SLC45A2: variants seen among roughly 807,000 people sequenced by gnomAD.
SLC45A2 encodes the protein solute carrier family 45 member 2.
SLC45A2 carries 36 observed loss-of-function variants against 45.5 expected under a neutral mutation model. That is an observed-to-expected ratio of 0.79 (90% CI 0.61 to 1.04). SLC45A2 has a LOEUF of 1.04. Ranked by LOEUF, SLC45A2 falls within the 50% of genes least tolerant of loss-of-function variation. SLC45A2 has a pLI of 0.00. For missense variants in SLC45A2, 719 were observed against 671.0 expected, an observed-to-expected ratio of 1.07 and a Z score of -0.79; for synonymous variants, 306 against 269.3, an observed-to-expected ratio of 1.14 and a Z score of -1.33.
intron 2 of SLC45A2, among the ~76,000 whole-genome samples, chr5:33,975,417 T>C (rs187102937): frequency 2.0e-5 from 3 of 152,142 alleles, no homozygotes; most frequent in African/African-American, 7.2e-5. Flanking sequence ...GAGGGGTAGA[T>C]AAATACCTTG....
At chr5:33,964,046 A>T (rs745561848) in intron 2 of SLC45A2, 30 bp from the exon 3 acceptor site, 3 of 1,607,606 alleles carry the variant, frequency 1.9e-6, no homozygotes, top group South Asian at 1.1e-5. Context: ...ATGTTAGCAT[A>T]TTTAGCAAAT....
rs1222481616 is a variant in SLC45A2 at position 33,982,325 on chromosome 5, A to G, written c.473T>C (p.Phe158Ser). 3.7e-6 allele frequency: 6 copies of G among 1,614,180 alleles called. No individual in the cohort carries two copies. The highest frequency in any genetic ancestry group is 5.1e-6 in the Non-Finnish European group (6 of 1,180,042). ...GTAGGCTTTGATGGGCCCATCAATG[A>G]AGTCGGCAGCAAAATCAAAGAGAAC... ...GVVLFDFAAD[F>S]IDGPIKAYLF... The change falls in exon 2 of 7, where the codon TTC (phenylalanine) becomes TCC (serine). Residue 158 changes from phenylalanine (F) to serine (S), a missense_variant. Phe to Ser is a radical substitution (Grantham distance 155). Coordinates refer to ENST00000296589, the MANE Select transcript of SLC45A2 (RefSeq NM_016180.5).
At chr5:33,964,740 A>C (rs1316297838) in intron 2 of SLC45A2, among the ~76,000 whole-genome samples, 2 of 152,206 alleles carry the variant, frequency 1.3e-5, no homozygotes, top group Non-Finnish European at 2.9e-5. Context: ...GATACTGAGG[A>C]AAGGCTCCTC....
chr5:33,947,526 A>T (rs1342896200), intron 5 of SLC45A2, 152 bp from the exon 6 acceptor site: 6 of 803,094 alleles, frequency 7.5e-6, no homozygotes, highest in Non-Finnish European at 1.2e-5. Flanking sequence ...TGGGTTGAAA[A>T]CAGCTGGCTT....
chr5:33,975,639 C>G (rs964618310), intron 2 of SLC45A2, among the ~76,000 whole-genome samples: 2 of 152,264 alleles, frequency 1.3e-5, no homozygotes, highest in Admixed American at 1.3e-4. Flanking sequence ...TATGTGATAG[C>G]TACCAGCTTT....
chr5:33,973,933 T>C (rs1273007698), intron 2 of SLC45A2, among the ~76,000 whole-genome samples: 2 of 152,200 alleles, frequency 1.3e-5, no homozygotes, highest in Non-Finnish European at 2.9e-5. Flanking sequence ...AGCTCAGAAA[T>C]GCTGAGGCTA....
chr5:33,962,516 TC>T (rs1752482586), intron 3 of SLC45A2, among the ~76,000 whole-genome samples: 1 of 152,210 alleles, frequency 6.6e-6, no homozygotes, highest in Non-Finnish European at 1.5e-5. Context: ...AGATTTGTGT[TC>T]CCTGTTTGTG....
In SLC45A2 at chr5:33,958,574, C is replaced by T. The variant is rs76152294; in HGVS notation, c.889-4070G>A. On this transcript the variant is annotated intron_variant, in intron 3 of 6. Coordinates refer to ENST00000296589, the MANE Select transcript of SLC45A2 (RefSeq NM_016180.5). ...CTCTGTTGCTTTGACAAGTGTGCAG[C>T]GGCATGATCACAGCTCACTGCAGCA... is the stretch of plus-strand genomic sequence containing the variant. Among the ~76,000 whole-genome samples, 1,146 of 152,170 alleles carry T rather than the reference C, an allele frequency of 7.5e-3. 13 individuals are homozygous for T. Among genetic ancestry groups the T allele is most frequent in the African/African-American group, 0.026 (1,080 of 41,518 alleles).
At chr5:33,952,675 T>G (rs1486888573) in intron 4 of SLC45A2, among the ~76,000 whole-genome samples, 1 of 14,032 alleles carries the variant, frequency 7.1e-5, no homozygotes, top group Admixed American at 5.0e-4. Flanking sequence ...TGAGCAAAAG[T>G]TTTTTTTTTT....
At chr5:33,945,743 C>T (rs1204484803) in intron 6 of SLC45A2, 1 of 162,274 alleles carries the variant, frequency 6.2e-6, no homozygotes, top group Non-Finnish European at 1.3e-5. Flanking sequence ...CCATTTGCCT[C>T]ATGAGGAAAC....
intron 1 of SLC45A2, among the ~76,000 whole-genome samples, chr5:33,983,550 A>G (rs1258996312): frequency 2.6e-5 from 4 of 152,234 alleles, no homozygotes. Context: ...CTAGCTTGAG[A>G]GTTAATGATC....
At chr5:33,958,440 A>G (rs562871180) in intron 3 of SLC45A2, among the ~76,000 whole-genome samples, 1 of 152,264 alleles carries the variant, frequency 6.6e-6, no homozygotes, top group African/African-American at 2.4e-5. Context: ...GAGAAGTGCA[A>G]ATCCATGGCT....
intron 2 of SLC45A2, chr5:33,971,393 C>G: frequency 2.1e-6 from 1 of 470,822 alleles, no homozygotes; most frequent in East Asian, 5.5e-5. Flanking sequence ...GAAAAACACT[C>G]TTGGCACACA....
In SLC45A2 at chr5:33,957,183, T is replaced by A. The variant is rs977820027; in HGVS notation, c.889-2679A>T. ...AGAGAAGAAAGAAACCTTGGGAATATTAATTGATTAGCTTCCCTGAAGACA... is the reference window on the plus strand; with the variant it reads ...AGAGAAGAAAGAAACCTTGGGAATAATAATTGATTAGCTTCCCTGAAGACA... On this transcript the variant is annotated intron_variant, in intron 3 of 6. Transcript: ENST00000296589. 7.9e-5 allele frequency among the ~76,000 whole-genome samples: 12 copies of A among 152,302 alleles called. No homozygotes were observed. The East Asian group carries it at 2.3e-3, about 29-fold the overall frequency.
chr5:33,955,248 C>T (rs1579540268), intron 3 of SLC45A2, among the ~76,000 whole-genome samples: 2 of 152,310 alleles, frequency 1.3e-5, no homozygotes, highest in Middle Eastern at 6.8e-3. Flanking sequence ...GCAGGGACCT[C>T]AATCCTATAA....
At chr5:33,964,442 A>T (rs971511833) in intron 2 of SLC45A2, among the ~76,000 whole-genome samples, 1 of 152,116 alleles carries the variant, frequency 6.6e-6, no homozygotes, top group Admixed American at 6.6e-5. Context: ...CCCAAAGAAA[A>T]CCAATTTCTG....
At chr5:33,977,766 G>GAATTATTC (rs1439310803) in intron 2 of SLC45A2, among the ~76,000 whole-genome samples, 12 of 152,310 alleles carry the variant, frequency 7.9e-5, no homozygotes, top group African/African-American at 2.2e-4. Flanking sequence ...ATTATTCAGA[G>GAATTATTC]CACAGAGAAT....
intron 3 of SLC45A2, among the ~76,000 whole-genome samples, chr5:33,959,307 T>C (rs1369372595): frequency 1.3e-5 from 2 of 152,204 alleles, no homozygotes; most frequent in African/African-American, 2.4e-5. Context: ...AATGACCGCA[T>C]GAATGTTATC....
intron 1 of SLC45A2, 133 bp from the exon 2 acceptor site, chr5:33,982,545 C>A: frequency 1.1e-6 from 1 of 883,652 alleles, no homozygotes; most frequent in South Asian, 1.6e-5. Context: ...ATAAAAATAG[C>A]TTTACATTTT....
Sources: gnomAD v4.1 joint callset for allele counts (sites outside exome capture counted in the v4.1 genomes callset) on GRCh38, gnomAD v4.1.1 for gene constraint, MANE v1.5 for transcripts, NCBI Gene and HGNC (gene_info 2026-07-23, HGNC 2026-07-21) for gene names.